The following CADPS variants were observed in gnomAD, a reference collection of about 807,000 sequenced individuals.
CADPS encodes calcium-dependent secretion activator 1.
CADPS carries 57 observed loss-of-function variants against 167.3 expected under a neutral mutation model. That is an observed-to-expected ratio of 0.34 (90% CI 0.28 to 0.42). The LOEUF (loss-of-function observed/expected upper bound fraction) is 0.42, where lower values mean the gene tolerates loss of function less well. Ranked by LOEUF, CADPS falls within the 20% of genes least tolerant of loss-of-function variation. CADPS has a pLI of 1.00. For synonymous variants in CADPS, 676 were observed against 635.3 expected, an observed-to-expected ratio of 1.06 and a Z score of -0.96; for missense variants, 1,414 against 1,738.1, an observed-to-expected ratio of 0.81 and a Z score of 3.32.
Position 62,852,681 on chromosome 3 carries a change from T to C in CADPS, c.441+21908A>G, listed in dbSNP as rs79172389. Among the ~76,000 whole-genome samples, 17 of 152,254 alleles carry C rather than the reference T, an allele frequency of 1.1e-4. 1 individual carries two copies. In the East Asian group the frequency reaches 2.9e-3, roughly 26 times the overall value. ...ACACCTGTCTCTACCTTCATGACTT[T>C]GTTGAAGATGATCCATAATTTCCAC... On this transcript the variant is annotated intron_variant, in intron 1 of 29. Transcript: ENST00000383710.
At chr3:62,624,109 C>A (rs899951095) in intron 6 of CADPS, among the ~76,000 whole-genome samples, 1 of 152,092 alleles carries the variant, frequency 6.6e-6, no homozygotes, top group East Asian at 1.9e-4. Flanking sequence ...AGGACTGCCC[C>A]CTGGAACCAA....
At chr3:62,529,660 C>A (rs1419114563) in intron 13 of CADPS, among the ~76,000 whole-genome samples, 3 of 152,176 alleles carry the variant, frequency 2.0e-5, no homozygotes, top group Non-Finnish European at 4.4e-5. Flanking sequence ...CTTTGACCTT[C>A]CCTATTGGAC....
intron 3 of CADPS, among the ~76,000 whole-genome samples, chr3:62,697,933 C>T (rs531575687): frequency 6.6e-6 from 1 of 151,998 alleles, no homozygotes; most frequent in African/African-American, 2.4e-5. Flanking sequence ...ATCCTTAGCC[C>T]ACTTTTTGAT....
chr3:62,429,582 C>A (rs989362991), intron 28 of CADPS, among the ~76,000 whole-genome samples: 2 of 151,930 alleles, frequency 1.3e-5, no homozygotes, highest in African/African-American at 4.8e-5. Context: ...AATATTTCTT[C>A]CACAAAATGT....
chr3:62,562,407 C>T (rs2079333397), intron 9 of CADPS, among the ~76,000 whole-genome samples: 1 of 152,150 alleles, frequency 6.6e-6, no homozygotes, highest in Admixed American at 6.5e-5. Flanking sequence ...TGAACCAAGG[C>T]AGTTCAGTTA....
intron 6 of CADPS, among the ~76,000 whole-genome samples, chr3:62,635,149 A>G (rs555673656): frequency 1.3e-5 from 2 of 152,268 alleles, no homozygotes; most frequent in Admixed American, 1.3e-4. Flanking sequence ...AAAGAGAAAC[A>G]TTTTCTAGGT....
chr3:62,679,110 T>C (rs2076747078), intron 3 of CADPS, among the ~76,000 whole-genome samples: 1 of 151,934 alleles, frequency 6.6e-6, no homozygotes, highest in Non-Finnish European at 1.5e-5. Context: ...AGTGAGCATC[T>C]TGTTTTCATG....
chr3:62,488,037 G>A (rs1316651982), intron 21 of CADPS, among the ~76,000 whole-genome samples: 1 of 152,098 alleles, frequency 6.6e-6, no homozygotes, highest in Admixed American at 6.5e-5. Flanking sequence ...AACTACTTGA[G>A]GATAACAATT....
At chr3:62,872,214 A>C (rs1032687680) in intron 1 of CADPS, among the ~76,000 whole-genome samples, 1 of 152,178 alleles carries the variant, frequency 6.6e-6, no homozygotes, top group Admixed American at 6.5e-5. Flanking sequence ...ACTTTAGCTC[A>C]TCAACTATTT....
At chr3:62,666,088 G>A (rs1163379370) in intron 3 of CADPS, among the ~76,000 whole-genome samples, 1 of 152,212 alleles carries the variant, frequency 6.6e-6, no homozygotes, top group East Asian at 1.9e-4. Context: ...CGGTCTGACA[G>A]TCTGTGCAGC....
At chr3:62,759,459 A>G (rs1200472995) in intron 2 of CADPS, among the ~76,000 whole-genome samples, 1 of 152,202 alleles carries the variant, frequency 6.6e-6, no homozygotes, top group Non-Finnish European at 1.5e-5. Flanking sequence ...GAGCCTTCCA[A>G]TGGCAGGGGT....
At chr3:62,593,647 T>A (rs1462886064) in intron 6 of CADPS, among the ~76,000 whole-genome samples, 5 of 152,190 alleles carry the variant, frequency 3.3e-5, no homozygotes, top group Admixed American at 2.0e-4. Context: ...ACAAGCCTCC[T>A]GACTCTGCCA....
intron 28 of CADPS, among the ~76,000 whole-genome samples, chr3:62,407,255 T>C (rs1559973588): frequency 6.6e-6 from 1 of 152,078 alleles, no homozygotes; most frequent in Non-Finnish European, 1.5e-5. Flanking sequence ...GAAAGTCATG[T>C]GGTGGTGAAG....
rs1183454283 is a variant in CADPS, at chr3:62,455,122, T to TCCCCCCA, written c.3637-9332_3637-9326dup. Among the ~76,000 whole-genome samples the TCCCCCCA allele has an allele frequency of 3.5e-5, 5 of 142,476 alleles. No homozygotes were observed. The East Asian group carries it at 1.0e-3, about 30-fold the overall frequency. The allele number at this position is 142,476 out of a possible 152,430, so 93.5% of individuals were successfully genotyped here. A position where few individuals can be genotyped will look rare whatever the true frequency, so the allele number is the denominator to read the frequency against. On this transcript the variant is annotated intron_variant, in intron 26 of 29. Coordinates refer to ENST00000383710, the MANE Select transcript of CADPS (RefSeq NM_003716.4). The surrounding 1 kb of genome is among the most constrained non-coding windows in gnomAD (Gnocchi z 4.4). ...GATCCAGGAAGTGTATGTTCTCATC[T>TCCCCCCA]CCCCCCACCCCCCACCCCCTGGGGC... is the stretch of plus-strand genomic sequence containing the variant.
At chr3:62,844,251 C>T (rs1039886356) in intron 1 of CADPS, among the ~76,000 whole-genome samples, 1 of 152,118 alleles carries the variant, frequency 6.6e-6, no homozygotes, top group Non-Finnish European at 1.5e-5. Flanking sequence ...TTTACAACAT[C>T]GAGCTGACAA....
intron 24 of CADPS, chr3:62,467,363 A>G (rs754185528): frequency 1.8e-5 from 20 of 1,106,090 alleles, no homozygotes; most frequent in Non-Finnish European, 2.2e-5. Context: ...AACAGTGCAA[A>G]TACAAATTAG....
At chr3:62,485,466 T>A (rs2062674040) in intron 21 of CADPS, among the ~76,000 whole-genome samples, 1 of 152,232 alleles carries the variant, frequency 6.6e-6, no homozygotes, top group Non-Finnish European at 1.5e-5. Flanking sequence ...TTCCCTCTAT[T>A]CTTATGTCCT....
chr3:62,662,450 C>T, intron 3 of CADPS, 56 bp from the exon 4 acceptor site: 6 of 1,478,414 alleles, frequency 4.1e-6, no homozygotes, highest in South Asian at 1.1e-5. Flanking sequence ...TGCCAATAAA[C>T]TCAGGACATT....
At chr3:62,818,798 A>C (rs2094750794) in intron 1 of CADPS, among the ~76,000 whole-genome samples, 1 of 151,300 alleles carries the variant, frequency 6.6e-6, no homozygotes, top group African/African-American at 2.4e-5. Flanking sequence ...AAAGGAGAAT[A>C]GATACGTAAA....
Sources: gnomAD v4.1 joint callset for allele counts (sites outside exome capture counted in the v4.1 genomes callset) on GRCh38, gnomAD v4.1.1 for gene constraint, Gnocchi (gnomAD v3.1) non-coding constraint, MANE v1.5 for transcripts, NCBI Gene and HGNC (gene_info 2026-07-23, HGNC 2026-07-21) for gene names.